Variants in TMEM176B observed in about 807,000 individuals in gnomAD.
TMEM176B encodes the protein transmembrane protein 176B, also known as LR8-like protein.
In TMEM176B, 28 loss-of-function variants were observed where a neutral mutation model predicts 30.3. The observed-to-expected ratio is 0.92, with a 90% confidence interval of 0.68 to 1.27. The LOEUF is 1.27. Among genes scored for constraint, TMEM176B ranks in the 50% most tolerant of loss-of-function variants. The pLI is 0.00. For missense variants in TMEM176B, 349 were observed against 327.4 expected, an observed-to-expected ratio of 1.07 and a Z score of -0.51; for synonymous variants, 123 against 130.3, an observed-to-expected ratio of 0.94 and a Z score of 0.38.
chr7:150,795,964 C>T (rs1036787320), intron 2 of TMEM176B, among the ~76,000 whole-genome samples: 1 of 152,154 alleles, frequency 6.6e-6, no homozygotes, highest in African/African-American at 2.4e-5. Flanking sequence ...AAAAAGCACT[C>T]GGGGCACAAA....
At chr7:150,801,346 T>C, upstream of TMEM176B, 1 of 485,416 alleles carries the variant, frequency 2.1e-6, no homozygotes, top group Non-Finnish European at 3.4e-6. Context: ...TCGCCGCAGT[T>C]CCAGCATGGT....
intron 1 of TMEM176B, among the ~76,000 whole-genome samples, chr7:150,797,161 A>G (rs761125690): frequency 1.7e-4 from 26 of 152,244 alleles, no homozygotes; most frequent in Admixed American, 7.8e-4. Flanking sequence ...TTGCAGATGC[A>G]AAGTAATATT....
chr7:150,795,478 T>C (rs1236409624), intron 2 of TMEM176B, among the ~76,000 whole-genome samples: 1 of 152,204 alleles, frequency 6.6e-6, no homozygotes, highest in East Asian at 1.9e-4. Context: ...CAGATGTGCT[T>C]CTCCCTCACC....
At chr7:150,793,455 T>C in intron 4 of TMEM176B, 89 bp downstream of exon 4, 2 of 1,552,134 alleles carry the variant, frequency 1.3e-6, no homozygotes, top group South Asian at 2.3e-5. Flanking sequence ...CCCCAAGATA[T>C]TGACAACCAA....
intron 2 of TMEM176B, among the ~76,000 whole-genome samples, chr7:150,794,850 T>A (rs1798459100): frequency 6.6e-6 from 1 of 151,390 alleles, no homozygotes; most frequent in Admixed American, 6.6e-5. Flanking sequence ...AACCCAACTG[T>A]CACCACCTCC....
chr7:150,797,973 C>G (rs1457107399), intron 1 of TMEM176B, among the ~76,000 whole-genome samples: 1 of 152,194 alleles, frequency 6.6e-6, no homozygotes, highest in East Asian at 1.9e-4. Context: ...AATTCACATG[C>G]AGGAGGCAAA....
At chr7:150,801,276 G>A, upstream of TMEM176B, 1 of 364,614 alleles carries the variant, frequency 2.7e-6, no homozygotes, top group Non-Finnish European at 4.9e-6. Context: ...GCCCTGGGAG[G>A]AGGATGAGGG....
chr7:150,793,026 C>A (rs1798374141), intron 5 of TMEM176B, 62 bp downstream of exon 5: 5 of 1,562,982 alleles, frequency 3.2e-6, no homozygotes, highest in Non-Finnish European at 3.5e-6. Context: ...CTCCAGGGCC[C>A]CCAGCTCCCT....
At chr7:150,793,479 G>A (rs1347177331) in intron 4 of TMEM176B, 65 bp downstream of exon 4, 2 of 1,587,046 alleles carry the variant, frequency 1.3e-6, no homozygotes, top group African/African-American at 2.7e-5. Flanking sequence ...GCAGAAGACA[G>A]ATAATGGAGC....
At chr7:150,799,568 G>A (rs563468500) in intron 1 of TMEM176B, among the ~76,000 whole-genome samples, 4 of 152,284 alleles carry the variant, frequency 2.6e-5, no homozygotes, top group Non-Finnish European at 4.4e-5. Flanking sequence ...CCTCCCATTC[G>A]TACTCTACCT....
chr7:150,799,412 T>C (rs898762995), intron 1 of TMEM176B, among the ~76,000 whole-genome samples: 3 of 152,270 alleles, frequency 2.0e-5, no homozygotes, highest in Non-Finnish European at 4.4e-5. Context: ...AGAATTGTCA[T>C]GGCCATTTTT....
chr7:150,796,669 A>G (rs1292083431), intron 1 of TMEM176B, 95 bp from the exon 2 acceptor site: 3 of 1,272,430 alleles, frequency 2.4e-6, no homozygotes, highest in African/African-American at 2.9e-5. Flanking sequence ...TGTCTTTGTC[A>G]AGATCCCAGC....
upstream of TMEM176B, chr7:150,800,566 G>C (rs952492171): frequency 6.6e-6 from 1 of 152,392 alleles, no homozygotes; most frequent in Non-Finnish European, 1.5e-5. Context: ...GGCCGGGCGG[G>C]GCTGGAGGCG....
chr7:150,791,976 C>T lies in TMEM176B; in HGVS notation c.720+80G>A, dbSNP rs532613886. 147 of 1,592,130 alleles carry T rather than the reference C, an allele frequency of 9.2e-5. No individual in the cohort carries two copies. The African/African-American group carries it at 1.7e-3, about 18-fold the overall frequency. ...AGGCCCAGCCTCAGGTTCGGGTGCC[C>T]CTGGCCCCGCACTCCTACCTGTCCC... On this transcript the variant is annotated intron_variant, in intron 6 of 6. Coordinates refer to ENST00000326442, the MANE Select transcript of TMEM176B (RefSeq NM_001101312.2).
intron 1 of TMEM176B, 57 bp from the exon 2 acceptor site, chr7:150,796,631 CA>C: frequency 6.5e-7 from 1 of 1,532,596 alleles, no homozygotes; most frequent in Non-Finnish European, 9.0e-7. Flanking sequence ...GGGAAAAATA[CA>C]CAGCACAGGT....
chr7:150,800,204 G>A (rs1287755796), intron 1 of TMEM176B, 94 bp downstream of exon 1: 4 of 152,446 alleles, frequency 2.6e-5, no homozygotes, highest in African/African-American at 9.6e-5. Context: ...ACGTCCTGTG[G>A]ACAGGACGGG....
chr7:150,791,573 AG>A lies in TMEM176B; in HGVS notation c.770del (p.Pro257LeufsTer83). ...KRLLGENSVP[P>X]SPSREQTSTA... ...TGGAGGTCTGCTCCCTAGAGGGCGAAGGGGGCACTGAATTCTCCCCCAGTAG... is the reference window on the plus strand; with the variant it reads ...TGGAGGTCTGCTCCCTAGAGGGCGAAGGGGCACTGAATTCTCCCCCAGTAG... On this transcript the variant is annotated frameshift_variant, in exon 7 of 7. Coordinates refer to ENST00000326442, the MANE Select transcript of TMEM176B (RefSeq NM_001101312.2). LOFTEE classifies it high-confidence loss of function. 2 of 1,614,048 alleles carry A rather than the reference AG, an allele frequency of 1.2e-6. No individual in the cohort carries two copies. Among genetic ancestry groups the A allele is most frequent in the Non-Finnish European group, 1.7e-6 (2 of 1,179,986 alleles).
chr7:150,796,997 C>A (rs537886704), intron 1 of TMEM176B, among the ~76,000 whole-genome samples: 2 of 152,172 alleles, frequency 1.3e-5, no homozygotes, highest in African/African-American at 4.8e-5. Flanking sequence ...AAAACAGTGT[C>A]TTTGTCAAAA....
intron 2 of TMEM176B, among the ~76,000 whole-genome samples, chr7:150,795,423 T>C (rs1347308510): frequency 6.6e-6 from 1 of 152,204 alleles, no homozygotes; most frequent in Non-Finnish European, 1.5e-5. Flanking sequence ...CCTCTGTCTA[T>C]ACCTATTCCT....
Sources: gnomAD v4.1 joint callset for allele counts (sites outside exome capture counted in the v4.1 genomes callset) on GRCh38, gnomAD v4.1.1 for gene constraint, MANE v1.5 for transcripts, NCBI Gene and HGNC (gene_info 2026-07-23, HGNC 2026-07-21) for gene names.